Variants in STARD13 observed in about 807,000 individuals in gnomAD.
STARD13 encodes stAR-related lipid transfer protein 13.
STARD13 carries 62 observed loss-of-function variants against 106.4 expected under a neutral mutation model. The ratio of observed to expected loss-of-function variants is 0.58; its 90% CI spans 0.48 to 0.72. STARD13 has a LOEUF of 0.72. Among genes scored for constraint, STARD13 ranks in the 30% least tolerant of loss-of-function variants. The probability of loss-of-function intolerance (pLI) is 0.00; values close to 1 mark genes in which losing one functional copy is unlikely to be tolerated. For synonymous variants in STARD13, 565 were observed against 553.0 expected, an observed-to-expected ratio of 1.02 and a Z score of -0.31; for missense variants, 1,387 against 1,424.0, an observed-to-expected ratio of 0.97 and a Z score of 0.42.
chr13:33,311,026 G>A (rs933140531), intron 1 of STARD13, among the ~76,000 whole-genome samples: 4 of 151,874 alleles, frequency 2.6e-5, no homozygotes, highest in Non-Finnish European at 5.9e-5. Flanking sequence ...GCTGGGTGAG[G>A]TCGCTCACCC....
the STARD13 span, among the ~76,000 whole-genome samples, chr13:33,463,849 T>C: frequency 2.0e-5 from 3 of 151,798 alleles, no homozygotes; most frequent in Non-Finnish European, 4.4e-5. Flanking sequence ...CCATTTCTAC[T>C]AAAACTGCAA....
the STARD13 span, among the ~76,000 whole-genome samples, chr13:33,643,055 G>T: frequency 6.6e-6 from 1 of 151,982 alleles, no homozygotes; most frequent in Admixed American, 6.6e-5. Context: ...GAGCCATACA[G>T]CTTTCTCACA....
chr13:33,650,816 A>C, the STARD13 span, among the ~76,000 whole-genome samples: 1 of 152,256 alleles, frequency 6.6e-6, no homozygotes, highest in African/African-American at 2.4e-5. Flanking sequence ...TAAAAAGCTT[A>C]GCATGAGCTC....
At chr13:33,475,906 G>A in the STARD13 span, among the ~76,000 whole-genome samples, 2,403 of 152,092 alleles carry the variant, frequency 0.016, 40 homozygotes, top group East Asian at 0.073. Context: ...GCAGCGAGCC[G>A]AGATGGCGCC....
the STARD13 span, among the ~76,000 whole-genome samples, chr13:33,508,145 C>A: frequency 6.6e-6 from 1 of 152,206 alleles, no homozygotes. Flanking sequence ...AGGAAAACCA[C>A]TCCTCTGCCA....
At chr13:33,394,513 C>T in the STARD13 span, among the ~76,000 whole-genome samples, 4 of 152,164 alleles carry the variant, frequency 2.6e-5, no homozygotes, top group African/African-American at 9.6e-5. Flanking sequence ...TCATGATCCT[C>T]TCTCTGCCTG....
chr13:33,119,916 A>G (rs921976965), intron 7 of STARD13, among the ~76,000 whole-genome samples: 10 of 152,244 alleles, frequency 6.6e-5, no homozygotes, highest in African/African-American at 2.4e-4. Context: ...GCATGGAAAG[A>G]AAGCATGTAC....
intron 1 of STARD13, among the ~76,000 whole-genome samples, chr13:33,236,010 A>G (rs1359900724): frequency 6.6e-6 from 1 of 152,240 alleles, no homozygotes; most frequent in Non-Finnish European, 1.5e-5. Context: ...ATCAGTTTAC[A>G]TAAATACATA....
At chr13:33,316,972 A>C (rs527417436) in intron 1 of STARD13, among the ~76,000 whole-genome samples, 2 of 152,074 alleles carry the variant, frequency 1.3e-5, no homozygotes, top group African/African-American at 4.8e-5. Context: ...CCTTCCTGAA[A>C]TTTTGTCTTC....
chr13:33,670,690 C>T, the STARD13 span, among the ~76,000 whole-genome samples: 3 of 152,146 alleles, frequency 2.0e-5, no homozygotes, highest in East Asian at 1.9e-4. Flanking sequence ...GATAGAAATG[C>T]TTATCAGGAC....
At chr13:33,560,569 C>T in the STARD13 span, among the ~76,000 whole-genome samples, 6 of 151,168 alleles carry the variant, frequency 4.0e-5, no homozygotes, top group African/African-American at 1.2e-4. Flanking sequence ...GTTTCAGCAT[C>T]GTAAACATTG....
the STARD13 span, among the ~76,000 whole-genome samples, chr13:33,573,713 A>G: frequency 1.3e-5 from 2 of 152,308 alleles, no homozygotes; most frequent in African/African-American, 4.8e-5. Flanking sequence ...ATCATCTCAT[A>G]ATAATGTTAA....
At chr13:33,519,526 C>T in the STARD13 span, among the ~76,000 whole-genome samples, 1 of 151,862 alleles carries the variant, frequency 6.6e-6, no homozygotes, top group Non-Finnish European at 1.5e-5. Flanking sequence ...CACCCTCCTC[C>T]TTGGCTATAA....
At chr13:33,401,532 C>A in the STARD13 span, among the ~76,000 whole-genome samples, 111 of 152,206 alleles carry the variant, frequency 7.3e-4, no homozygotes, top group Non-Finnish European at 1.2e-3. Context: ...CCAACTTTGG[C>A]TTAAAGACAC....
chr13:33,412,075 C>G, the STARD13 span, among the ~76,000 whole-genome samples: 2 of 152,142 alleles, frequency 1.3e-5, no homozygotes, highest in African/African-American at 4.8e-5. Context: ...TTGTGTCTTC[C>G]ACATTCTGTT....
intron 1 of STARD13, among the ~76,000 whole-genome samples, chr13:33,259,304 A>G (rs1172850474): frequency 3.3e-5 from 5 of 152,258 alleles, no homozygotes; most frequent in Admixed American, 3.3e-4. Context: ...GACTGACAGT[A>G]TCTTCTTTCT....
the STARD13 span, among the ~76,000 whole-genome samples, chr13:33,508,995 A>G: frequency 1.3e-5 from 2 of 150,978 alleles, no homozygotes; most frequent in Non-Finnish European, 3.0e-5. Flanking sequence ...TATCTAACAT[A>G]GAAAACATAG....
At position 33,349,259 on chromosome 13, in the gene STARD13, A is replaced by T. The variant is rs756699227; in HGVS notation, c.125-43T>A. 8.5e-6 allele frequency: 6 copies of T among 702,094 alleles called. No individual in the cohort carries two copies. The East Asian group carries it at 1.6e-4, about 19-fold the overall frequency. The allele number at this position is 702,094 out of a possible 1,614,324, so 43.5% of individuals were successfully genotyped here. Reference sequence around the variant, plus strand: ...GCAACAAGGTCCAGAGACTTGCCTCAGGGTCACCTCAGGGGCCCTTCCAAT... The same window carrying T: ...GCAACAAGGTCCAGAGACTTGCCTCTGGGTCACCTCAGGGGCCCTTCCAAT... On this transcript the variant is annotated intron_variant, in intron 1 of 1. Coordinates refer to the STARD13 transcript ENST00000439831.
the STARD13 span, among the ~76,000 whole-genome samples, chr13:33,387,857 A>C: frequency 6.6e-6 from 1 of 152,246 alleles, no homozygotes; most frequent in African/African-American, 2.4e-5. Context: ...GTGAAACTCC[A>C]GATTGGCCGC....
Sources: gnomAD v4.1 joint callset for allele counts (sites outside exome capture counted in the v4.1 genomes callset) on GRCh38, gnomAD v4.1.1 for gene constraint, MANE v1.5 for transcripts, NCBI Gene and HGNC (gene_info 2026-07-23, HGNC 2026-07-21) for gene names.